The following CAMKMT variants were observed in gnomAD, a reference collection of about 807,000 sequenced individuals.
The protein encoded by CAMKMT is calmodulin-lysine N-methyltransferase, also known as CaM KMT.
Under a neutral mutation model 48.0 loss-of-function variants are expected in CAMKMT, and 53 were observed. The ratio of observed to expected loss-of-function variants is 1.10; its 90% CI spans 0.89 to 1.39. The LOEUF is 1.39. Ranked by LOEUF, CAMKMT falls within the 40% of genes most tolerant of loss-of-function variation. CAMKMT has a pLI of 0.00. For synonymous variants in CAMKMT, 165 were observed against 152.3 expected (o/e 1.08, Z -0.61); for missense variants, 428 against 402.7 (o/e 1.06, Z -0.54).
At chr2:44,720,246 C>T (rs1678394632) in intron 7 of CAMKMT, among the ~76,000 whole-genome samples, 1 of 152,128 alleles carries the variant, frequency 6.6e-6, no homozygotes, top group South Asian at 2.1e-4. Flanking sequence ...AAACTACAGT[C>T]AATTAAAAAT....
Position 44,772,299 on chromosome 2 carries a change from CCTCTTTTTACA to C in CAMKMT, c.*191_*201del. On this transcript the variant is annotated 3_prime_UTR_variant, in exon 11 of 11. Coordinates refer to ENST00000378494, the MANE Select transcript of CAMKMT (RefSeq NM_024766.5). Reference sequence around the variant, plus strand: ...GCTGCCCTCTCCAGCTCCCTCCCCGCCTCTTTTTACACTCTGCTTGTTGCTCGTCCTGCCCT... The same window carrying C: ...GCTGCCCTCTCCAGCTCCCTCCCCGCCTCTGCTTGTTGCTCGTCCTGCCCT... 1.8e-6 allele frequency: 1 copy of C among 544,422 alleles called. No homozygotes were observed. Among genetic ancestry groups the C allele is most frequent in the Non-Finnish European group, 3.3e-6 (1 of 307,510 alleles). The allele number at this position is 544,422 out of a possible 1,614,324, so 33.7% of individuals were successfully genotyped here. A position where few individuals can be genotyped will look rare whatever the true frequency, so the allele number is the denominator to read the frequency against.
intron 3 of CAMKMT, among the ~76,000 whole-genome samples, chr2:44,434,190 A>G (rs1684813325): frequency 6.6e-6 from 1 of 151,184 alleles, no homozygotes; most frequent in African/African-American, 2.4e-5. Flanking sequence ...AAAGAAACCA[A>G]GTATTCAACT....
intron 3 of CAMKMT, among the ~76,000 whole-genome samples, chr2:44,486,303 G>T (rs756459086): frequency 1.3e-5 from 2 of 152,164 alleles, no homozygotes; most frequent in African/African-American, 2.4e-5. Flanking sequence ...TTTCAGCCAT[G>T]ATCTTATTTT....
At chr2:44,505,146 C>T (rs1670195806) in intron 3 of CAMKMT, among the ~76,000 whole-genome samples, 1 of 152,156 alleles carries the variant, frequency 6.6e-6, no homozygotes, top group African/African-American at 2.4e-5. Context: ...TCACGTTAGG[C>T]CCCACCTCCA....
intron 10 of CAMKMT, among the ~76,000 whole-genome samples, chr2:44,768,813 C>A (rs549272812): frequency 3.9e-4 from 59 of 152,204 alleles, no homozygotes; most frequent in Non-Finnish European, 7.2e-4. Context: ...AAAGCCCCCT[C>A]GTCCCTGGGA....
At chr2:44,656,124 A>AT (rs1674363532) in intron 3 of CAMKMT, among the ~76,000 whole-genome samples, 1 of 152,218 alleles carries the variant, frequency 6.6e-6, no homozygotes, top group Admixed American at 6.5e-5. Flanking sequence ...TTGTGAAAAG[A>AT]GCTCTTTCTG....
chr2:44,543,591 T>C (rs1381993066), intron 3 of CAMKMT, among the ~76,000 whole-genome samples: 2 of 152,174 alleles, frequency 1.3e-5, no homozygotes, highest in African/African-American at 4.8e-5. Flanking sequence ...TTTCTTTATG[T>C]GCCGGGTAGA....
chr2:44,494,077 T>A (rs1186412859), intron 3 of CAMKMT, among the ~76,000 whole-genome samples: 1 of 152,222 alleles, frequency 6.6e-6, no homozygotes, highest in East Asian at 1.9e-4. Context: ...ATGTGTTACA[T>A]TAAAGTGCAT....
chr2:44,551,747 C>T (rs1667727843), intron 3 of CAMKMT, among the ~76,000 whole-genome samples: 1 of 152,172 alleles, frequency 6.6e-6, no homozygotes, highest in African/African-American at 2.4e-5. Flanking sequence ...AATTTTGAGA[C>T]ATCAGAGTGA....
chr2:44,456,534 A>G, intron 3 of CAMKMT: 1 of 1,546,652 alleles, frequency 6.5e-7, no homozygotes, highest in Non-Finnish European at 8.7e-7. Flanking sequence ...AGCCAAGTTT[A>G]CCTTTTCTAT....
rs1290464522 is a variant in CAMKMT at position 44,372,901 on chromosome 2, C to G, written c.311+13C>G. 7 of 1,596,448 alleles carry G rather than the reference C, an allele frequency of 4.4e-6. No individual in the cohort carries two copies. The highest frequency in any genetic ancestry group is 1.4e-5 in the African/African-American group (1 of 74,070). On this transcript the variant is annotated intron_variant, in intron 2 of 10. Coordinates refer to ENST00000378494, the MANE Select transcript of CAMKMT (RefSeq NM_024766.5). ...GTATCTCCTTAAGGTAACCATTATTCTAGTTAAGATTTTGTAAACACTAGA... is the reference window on the plus strand; with the variant it reads ...GTATCTCCTTAAGGTAACCATTATTGTAGTTAAGATTTTGTAAACACTAGA...
intron 9 of CAMKMT, among the ~76,000 whole-genome samples, chr2:44,756,855 C>T (rs1680405495): frequency 6.6e-6 from 1 of 152,160 alleles, no homozygotes; most frequent in Non-Finnish European, 1.5e-5. Flanking sequence ...GTTCTCCGTG[C>T]ACTTCCAGCA....
intron 3 of CAMKMT, among the ~76,000 whole-genome samples, chr2:44,500,828 C>A (rs760884722): frequency 4.0e-5 from 6 of 151,694 alleles, no homozygotes; most frequent in Non-Finnish European, 8.8e-5. Context: ...ATTATAGGCA[C>A]GCACCATCAC....
intron 3 of CAMKMT, among the ~76,000 whole-genome samples, chr2:44,495,813 C>T (rs557647100): frequency 1.3e-5 from 2 of 152,268 alleles, no homozygotes; most frequent in Admixed American, 1.3e-4. Flanking sequence ...ACAAAGAAAG[C>T]CACCAGTGAA....
chr2:44,733,290 A>G (rs1679179470), intron 7 of CAMKMT, among the ~76,000 whole-genome samples: 1 of 152,148 alleles, frequency 6.6e-6, no homozygotes, highest in Admixed American at 6.5e-5. Flanking sequence ...ATGGTTTTTT[A>G]ATGCTGTTGT....
At chr2:44,530,087 G>C (rs923148854) in intron 3 of CAMKMT, among the ~76,000 whole-genome samples, 51 of 152,112 alleles carry the variant, frequency 3.4e-4, no homozygotes, top group African/African-American at 1.2e-3. Flanking sequence ...AATATTTCCT[G>C]CATACTAGAA....
rs1488682265 is a variant in CAMKMT, at chr2:44,382,509, C to T, written c.312-7732C>T. Among the ~76,000 whole-genome samples, 15 of 149,040 alleles carry T rather than the reference C, an allele frequency of 1.0e-4. No individual in the cohort carries two copies. The East Asian group carries it at 1.4e-3, about 14-fold the overall frequency. On this transcript the variant is annotated intron_variant, in intron 2 of 10. Coordinates refer to ENST00000378494, the MANE Select transcript of CAMKMT (RefSeq NM_024766.5). ...TTTTTTTTTTTTTGAGACAGAGTCT[C>T]GCTCTGTCACCCAGGCTGGAGTACA...
chr2:44,509,543 T>C (rs919778781), intron 3 of CAMKMT, among the ~76,000 whole-genome samples: 2 of 152,144 alleles, frequency 1.3e-5, no homozygotes, highest in Admixed American at 6.6e-5. Flanking sequence ...TCTCTTGAGC[T>C]CAAGCAATCT....
chr2:44,455,890 T>G (rs1667537378), intron 3 of CAMKMT, among the ~76,000 whole-genome samples: 1 of 152,190 alleles, frequency 6.6e-6, no homozygotes, highest in Admixed American at 6.5e-5. Flanking sequence ...AAGGTTAAAG[T>G]TATCAGGAAT....
Sources: allele counts gnomAD v4.1 joint callset (sites outside exome capture counted in the v4.1 genomes callset), GRCh38; gene constraint gnomAD v4.1.1; transcripts MANE v1.5; gene names NCBI Gene and HGNC (gene_info 2026-07-23, HGNC 2026-07-21).